Variants in MKNK2 observed in about 807,000 individuals in gnomAD.
MKNK2 encodes the protein MAPK interacting serine/threonine kinase 2, also known as MAP kinase-interacting serine/threonine-protein kinase 2.
In MKNK2, 54 loss-of-function variants were observed where a neutral mutation model predicts 55.0. That is an observed-to-expected ratio of 0.98 (90% CI 0.79 to 1.23). MKNK2 has a LOEUF of 1.23. Ranked by LOEUF, MKNK2 falls within the 50% of genes most tolerant of loss-of-function variation. The probability of loss-of-function intolerance (pLI) is 0.00; values close to 1 mark genes in which losing one functional copy is unlikely to be tolerated. For missense variants in MKNK2, 685 were observed against 632.1 expected, an observed-to-expected ratio of 1.08 and a Z score of -0.90; for synonymous variants, 323 against 256.0, an observed-to-expected ratio of 1.26 and a Z score of -2.50.
chr19:2,045,782 G>A (rs1446381174), intron 5 of MKNK2, among the ~76,000 whole-genome samples: 2 of 152,210 alleles, frequency 1.3e-5, no homozygotes, highest in South Asian at 2.1e-4. Context: ...CCAGCCCTTC[G>A]GCCACACCCT....
At chr19:2,042,564 G>C in intron 9 of MKNK2, 42 bp from the exon 10 acceptor site, 1 of 1,576,194 alleles carries the variant, frequency 6.3e-7, no homozygotes, top group Non-Finnish European at 8.6e-7. Flanking sequence ...GGTCCCACGC[G>C]GTCCACCCCT....
At position 2,042,045 on chromosome 19, in the gene MKNK2, G is replaced by T; in HGVS notation, c.751-11C>A. The T allele has an allele frequency of 6.8e-7, 1 of 1,472,584 alleles. No individual in the cohort carries two copies. The allele number at this position is 1,472,584 out of a possible 1,614,324, so 91.2% of individuals were successfully genotyped here. A position where few individuals can be genotyped will look rare whatever the true frequency, so the allele number is the denominator to read the frequency against. ...CTCCGCCGAGCCGCACTGCGGGCGG[G>T]GGAGGGGCGCGTCAGCCGGGGTTTC... is the stretch of plus-strand genomic sequence containing the variant. On this transcript the variant is annotated splice_polypyrimidine_tract_variant and intron_variant, in intron 10 of 13. Transcript: ENST00000250896.
chr19:2,040,492 C>G, intron 12 of MKNK2: 1 of 408,434 alleles, frequency 2.4e-6, no homozygotes, highest in Non-Finnish European at 4.4e-6. Context: ...ACCTCCGCCC[C>G]CCTCTTAACC....
In MKNK2 at chr19:2,039,751, C is replaced by G. The variant is rs1269442644; in HGVS notation, c.1260G>C (p.Gly420=). 1 of 1,609,614 alleles carries G rather than the reference C, an allele frequency of 6.2e-7. No homozygotes were observed. The highest frequency in any genetic ancestry group is 8.5e-7 in the Non-Finnish European group (1 of 1,179,760). ...DEDLAEEEAA[G]QGQPVLVRAT... ...CTCGGACCAGGACGGGCTGGCCCTG[C>G]CCCGCGGCCTCCTCCTCAGCCAGGT... The change falls in exon 14 of 14, where the codon GGG becomes GGC. Residue 420 remains glycine, a synonymous_variant. Transcript: ENST00000250896.
At chr19:2,050,060 A>C (rs112491694) in intron 2 of MKNK2, among the ~76,000 whole-genome samples, 2 of 152,208 alleles carry the variant, frequency 1.3e-5, no homozygotes, top group Non-Finnish European at 2.9e-5. Context: ...GGGCCGGCTG[A>C]CATCACTGCG....
chr19:2,040,663 G>A (rs576821236), intron 12 of MKNK2: 17 of 303,148 alleles, frequency 5.6e-5, no homozygotes, highest in African/African-American at 2.4e-4. Flanking sequence ...ACTCCTCCTC[G>A]ACTGGAGGCC....
Position 2,039,717 on chromosome 19 carries a change from G to C in MKNK2, c.1294C>G (p.Arg432Gly). The C allele has an allele frequency of 1.2e-6, 2 of 1,612,128 alleles. No individual in the cohort carries two copies. Among genetic ancestry groups the C allele is most frequent in the Admixed American group, 3.3e-5 (2 of 60,028 alleles). The change falls in exon 14 of 14, where the codon CGC (arginine) becomes GGC (glycine). Residue 432 changes from arginine to glycine, a missense_variant. Coordinates refer to ENST00000250896, the MANE Select transcript of MKNK2 (RefSeq NM_199054.3). ...GQPVLVRATS[R>G]CLQLSPPSQS... ...GAGGGTGGAGACAGCTGCAGGCAGC[G>C]TGAGGTAGCTCGGACCAGGACGGGC...
At chr19:2,048,409 C>G (rs549915232) in intron 2 of MKNK2, among the ~76,000 whole-genome samples, 1 of 152,156 alleles carries the variant, frequency 6.6e-6, no homozygotes, top group African/African-American at 2.4e-5. Context: ...TACGAGGGGC[C>G]GGGCCTTTGA....
rs528283994 is a variant in MKNK2 at position 2,040,980 on chromosome 19, T to C, written c.1110+60A>G. 1.3e-5 allele frequency: 21 copies of C among 1,558,072 alleles called. No individual in the cohort carries two copies. The Admixed American group carries it at 3.5e-4, about 26-fold the overall frequency. ...CACCCTCAGGGCTTCCCATGCTCGCTCTGAGGCCACCCTGCAGCGCCCCCA... is the reference window on the plus strand; with the variant it reads ...CACCCTCAGGGCTTCCCATGCTCGCCCTGAGGCCACCCTGCAGCGCCCCCA... On this transcript the variant is annotated intron_variant, in intron 12 of 13. Transcript: ENST00000250896.
At chr19:2,040,743 C>T in intron 12 of MKNK2, 1 of 461,670 alleles carries the variant, frequency 2.2e-6, no homozygotes, top group South Asian at 2.4e-5. Flanking sequence ...TCTATGTGAG[C>T]TGGGCTCGCT....
chr19:2,043,646 G>C (rs2016940053), intron 5 of MKNK2, 64 bp from the exon 6 acceptor site: 10 of 1,413,812 alleles, frequency 7.1e-6, no homozygotes, highest in Non-Finnish European at 9.9e-6. Flanking sequence ...GAAGGGGCCA[G>C]AAACTCCACT....
intron 2 of MKNK2, among the ~76,000 whole-genome samples, chr19:2,047,081 T>C (rs1269309313): frequency 6.6e-6 from 1 of 152,180 alleles, no homozygotes; most frequent in African/African-American, 2.4e-5. Context: ...ATCACAGGTG[T>C]GGGCCACATG....
At position 2,037,561 on chromosome 19, in the gene MKNK2, G is replaced by A. The variant is rs1014856002; in HGVS notation, c.*2052C>T. The A allele has an allele frequency of 4.1e-5, 18 of 436,506 alleles. No individual in the cohort carries two copies. Among genetic ancestry groups the A allele is most frequent in the Non-Finnish European group, 6.0e-5 (15 of 249,600 alleles). The allele number at this position is 436,506 out of a possible 1,614,324, so 27.0% of individuals were successfully genotyped here. A position where few individuals can be genotyped will look rare whatever the true frequency, so the allele number is the denominator to read the frequency against. ...GTGTAAAGGAAAACTTCTGAGCTCC[G>A]TCAGTTCACCTGGTACATTGGAATT... On this transcript the variant is annotated 3_prime_UTR_variant, in exon 14 of 14. Transcript: ENST00000250896.
chr19:2,051,063 TG>T, intron 1 of MKNK2, 32 bp downstream of exon 1: 1 of 331,254 alleles, frequency 3.0e-6, no homozygotes. Context: ...ACCGGGTCGG[TG>T]TCCTCGGGGC....
rs1438674441 is a variant in MKNK2, at chr19:2,042,000, A to G, written c.785T>C (p.Val262Ala). 1.9e-6 allele frequency: 3 copies of G among 1,551,452 alleles called. No individual in the cohort carries two copies. The highest frequency in any genetic ancestry group is 2.6e-6 in the Non-Finnish European group (3 of 1,149,286). The change falls in exon 11 of 14, where the codon GTG (valine) becomes GCG (alanine). Residue 262 changes from valine (V) to alanine (A), a missense_variant. By Grantham distance (64) the Val-to-Ala change is moderately conservative (BLOSUM62 0). Transcript: ENST00000250896. ...GSAEYMAPEV[V>A]EAFSEEASIY... ...GCTAGCCTCCTCGCTGAAGGCCTCC[A>G]CTACCTCCGGGGCCATGTACTCCGC...
Position 2,039,622 on chromosome 19 carries a change from G to A in MKNK2, c.1389C>T (p.Asp463=). The A allele has an allele frequency of 6.2e-7, 1 of 1,611,488 alleles. No individual in the cohort carries two copies. Among genetic ancestry groups the A allele is most frequent in the Non-Finnish European group, 8.5e-7 (1 of 1,179,076 alleles). The change falls in exon 14 of 14, where the codon GAC becomes GAT. Residue 463 remains aspartate, a synonymous_variant. Coordinates refer to ENST00000250896, the MANE Select transcript of MKNK2 (RefSeq NM_199054.3). ...LSSAPVVLVG[D]HA ...AGGGGAGATGGGAGGGTCAGGCGTGGTCTCCCACCAGGACCACTGGGGCCG... is the reference window on the plus strand; with the variant it reads ...AGGGGAGATGGGAGGGTCAGGCGTGATCTCCCACCAGGACCACTGGGGCCG...
At position 2,042,433 on chromosome 19, in the gene MKNK2, G is replaced by A. The variant is rs368301670; in HGVS notation, c.744C>T (p.Leu248=). Residue 248 remains leucine (L), a synonymous_variant, in exon 10 of 14, where the codon CTC becomes CTT. Coordinates refer to ENST00000250896, the MANE Select transcript of MKNK2 (RefSeq NM_199054.3). The part of the protein sequence containing the change: ...DCSPISTPEL[L]TPCGSAEYMA... ...CCTCCCCGCGGGCCCTCACCGGAGT[G>A]AGCAGCTCCGGGGTGGAGATAGGGG... 51 of 1,576,946 alleles carry A rather than the reference G, an allele frequency of 3.2e-5. No individual in the cohort carries two copies. Among genetic ancestry groups the A allele is most frequent in the South Asian group, 2.2e-4 (19 of 85,856 alleles).
Position 2,038,319 on chromosome 19 carries a change from G to A in MKNK2, c.*1294C>T. ...CGACCGCGGATTTAGAAGCCAGAGGGGCTGCCCCAGCTGTGGAGCTCGGGG... is the reference window on the plus strand; with the variant it reads ...CGACCGCGGATTTAGAAGCCAGAGGAGCTGCCCCAGCTGTGGAGCTCGGGG... On this transcript the variant is annotated 3_prime_UTR_variant, in exon 14 of 14. Transcript: ENST00000250896. 1 of 986,758 alleles carries A rather than the reference G, an allele frequency of 1.0e-6. No individual in the cohort carries two copies. Among genetic ancestry groups the A allele is most frequent in the Non-Finnish European group, 1.2e-6 (1 of 830,534 alleles). The allele number at this position is 986,758 out of a possible 1,614,324, so 61.1% of individuals were successfully genotyped here. A position where few individuals can be genotyped will look rare whatever the true frequency, so the allele number is the denominator to read the frequency against.
At chr19:2,050,219 C>T (rs1281174350) in intron 2 of MKNK2, among the ~76,000 whole-genome samples, 1 of 152,222 alleles carries the variant, frequency 6.6e-6, no homozygotes, top group African/African-American at 2.4e-5. Flanking sequence ...AGCACTTGGG[C>T]CTGGGGTGTC....
Sources: gnomAD v4.1 joint callset for allele counts (sites outside exome capture counted in the v4.1 genomes callset) on GRCh38, gnomAD v4.1.1 for gene constraint, MANE v1.5 for transcripts, NCBI Gene and HGNC (gene_info 2026-07-23, HGNC 2026-07-21) for gene names.